The following SLC27A6 variants were observed in gnomAD, a reference collection of about 807,000 sequenced individuals.
SLC27A6 encodes the protein long-chain fatty acid transport protein 6.
In SLC27A6, 74 loss-of-function variants were observed where a neutral mutation model predicts 63.9. The ratio of observed to expected loss-of-function variants is 1.16; its 90% confidence interval spans 0.96 to 1.40. The LOEUF (loss-of-function observed/expected upper bound fraction) is 1.40. Ranked by LOEUF, SLC27A6 falls within the 40% of genes most tolerant of loss-of-function variation. The probability of loss-of-function intolerance (pLI) is 0.00; values close to 1 mark genes in which losing one functional copy is unlikely to be tolerated. For synonymous variants in SLC27A6, 287 were observed against 260.8 expected, an observed-to-expected ratio of 1.10 and a Z score of -0.97; for missense variants, 794 against 732.9, an observed-to-expected ratio of 1.08 and a Z score of -0.96.
intron 4 of SLC27A6, among the ~76,000 whole-genome samples, chr5:129,003,454 G>C (rs564312572): frequency 6.6e-6 from 1 of 152,286 alleles, no homozygotes; most frequent in African/African-American, 2.4e-5. Flanking sequence ...AGTTTTGATT[G>C]GTTGATGTAG....
chr5:129,014,715 TTA>T (rs557185858), intron 4 of SLC27A6, among the ~76,000 whole-genome samples: 314 of 152,310 alleles, frequency 2.1e-3, no homozygotes, highest in South Asian at 4.6e-3. Context: ...AGATATTCAG[TTA>T]TACAACTGCT....
rs370861929 is a variant in SLC27A6 at position 129,027,403 on chromosome 5, C to T, written c.1454+72C>T. ...ATGCTTCTATAGAAACATCAGAGAC[C>T]ACATATGCTTTAGCTTTCAGGGCAG... On this transcript the variant is annotated intron_variant, in intron 7 of 9. Coordinates refer to ENST00000262462, the MANE Select transcript of SLC27A6 (RefSeq NM_001017372.3). The T allele has an allele frequency of 4.8e-5, 56 of 1,156,538 alleles. 1 individual carries two copies. In the African/African-American group the frequency reaches 6.6e-4, roughly 14 times the overall value. The allele number at this position is 1,156,538 out of a possible 1,614,324, so 71.6% of individuals were successfully genotyped here.
intron 4 of SLC27A6, among the ~76,000 whole-genome samples, chr5:129,011,507 C>G (rs182005424): frequency 9.3e-4 from 142 of 152,280 alleles, no homozygotes; most frequent in East Asian, 4.1e-3. Flanking sequence ...ATAAGCAACA[C>G]CATAGCTGCT....
At chr5:129,014,654 C>G (rs1484738126) in intron 4 of SLC27A6, among the ~76,000 whole-genome samples, 1 of 152,176 alleles carries the variant, frequency 6.6e-6, no homozygotes, top group Non-Finnish European at 1.5e-5. Context: ...ACTTTCCAGT[C>G]TTTGGCCAAT....
intron 2 of SLC27A6, among the ~76,000 whole-genome samples, chr5:128,988,367 G>A (rs1160949417): frequency 1.3e-5 from 2 of 152,268 alleles, no homozygotes; most frequent in Admixed American, 6.5e-5. Context: ...ATTACATAGC[G>A]TTTGAGATAC....
chr5:129,026,612 G>T (rs1752253626), intron 6 of SLC27A6, among the ~76,000 whole-genome samples: 1 of 152,090 alleles, frequency 6.6e-6, no homozygotes, highest in African/African-American at 2.4e-5. Context: ...ATTTCTCTGA[G>T]CGTGGCAACT....
At chr5:129,009,744 G>A (rs1428857973) in intron 4 of SLC27A6, among the ~76,000 whole-genome samples, 10 of 151,776 alleles carry the variant, frequency 6.6e-5, no homozygotes, top group East Asian at 1.9e-4. Context: ...GCGCGATCTC[G>A]GCTCACTGCA....
At chr5:129,028,249 T>A in intron 7 of SLC27A6, 96 bp from the exon 8 acceptor site, 1 of 760,526 alleles carries the variant, frequency 1.3e-6, no homozygotes, top group Non-Finnish European at 2.3e-6. Flanking sequence ...CAGTAGGTGC[T>A]TGCACAGTGC....
Position 128,990,447 on chromosome 5 carries a change from C to A in SLC27A6, c.952C>A (p.Leu318Ile). The A allele has an allele frequency of 6.2e-7, 1 of 1,612,650 alleles. No homozygotes were observed. The highest frequency in any genetic ancestry group is 8.5e-7 in the Non-Finnish European group (1 of 1,179,584). Residue 318 changes from leucine to isoleucine, a missense_variant, in exon 4 of 10, where the codon CTT (leucine) becomes ATT (isoleucine). Coordinates refer to ENST00000262462, the MANE Select transcript of SLC27A6 (RefSeq NM_001017372.3). ...FQYIGELCRYLCKQSKREGEK... is the reference protein window; with the variant it reads ...FQYIGELCRYICKQSKREGEK... ...GTATATTGGAGAACTTTGTCGCTAC[C>A]TTTGCAAACAATCTAAGGTAGGCGT...
At chr5:129,028,602 A>G (rs1276375541) in intron 8 of SLC27A6, among the ~76,000 whole-genome samples, 160 bp downstream of exon 8, 1 of 151,658 alleles carries the variant, frequency 6.6e-6, no homozygotes. Context: ...CCAAGCTAAC[A>G]AAGTTCATGA....
At chr5:128,981,941 G>A (rs1002848188) in intron 1 of SLC27A6, among the ~76,000 whole-genome samples, 1 of 151,924 alleles carries the variant, frequency 6.6e-6, no homozygotes, top group Non-Finnish European at 1.5e-5. Context: ...AGTCTCCTGA[G>A]TAGCTGGGAT....
intron 2 of SLC27A6, among the ~76,000 whole-genome samples, chr5:128,987,789 C>T (rs958943903): frequency 6.6e-6 from 1 of 151,766 alleles, no homozygotes; most frequent in Non-Finnish European, 1.5e-5. Context: ...AAAGGATGAA[C>T]ACACAAATAA....
chr5:129,006,069 C>CTTTTT (rs1561624835), intron 4 of SLC27A6, among the ~76,000 whole-genome samples: 1 of 64,852 alleles, frequency 1.5e-5, no homozygotes, highest in African/African-American at 7.5e-5. Flanking sequence ...CCTGTGCACA[C>CTTTTT]TGTTTTTTTT....
At chr5:129,022,468 T>C (rs1212762299) in intron 5 of SLC27A6, among the ~76,000 whole-genome samples, 2 of 152,200 alleles carry the variant, frequency 1.3e-5, no homozygotes, top group Admixed American at 1.3e-4. Context: ...AATAATACTA[T>C]TGCATCTATC....
At chr5:129,006,175 T>C (rs1054682314) in intron 4 of SLC27A6, among the ~76,000 whole-genome samples, 1 of 145,388 alleles carries the variant, frequency 6.9e-6, no homozygotes, top group African/African-American at 2.6e-5. Flanking sequence ...ACCTCCTCCG[T>C]TCACGCCATT....
intron 1 of SLC27A6, among the ~76,000 whole-genome samples, chr5:128,981,081 T>C (rs1207705675): frequency 6.6e-6 from 1 of 152,200 alleles, no homozygotes; most frequent in Non-Finnish European, 1.5e-5. Context: ...CCTAATGAAG[T>C]ACATTGCATG....
chr5:128,988,577 C>T (rs1561616813), intron 2 of SLC27A6, 23 bp from the exon 3 acceptor site: 1 of 1,604,426 alleles, frequency 6.2e-7, no homozygotes, highest in Non-Finnish European at 8.5e-7. Flanking sequence ...ATATATATTT[C>T]CTGTTCTTTT....
intron 1 of SLC27A6, among the ~76,000 whole-genome samples, chr5:128,978,513 A>C (rs1750468936): frequency 6.6e-6 from 1 of 152,202 alleles, no homozygotes; most frequent in Admixed American, 6.5e-5. Flanking sequence ...CTGGTGGTTT[A>C]GCTGAAATCT....
intron 5 of SLC27A6, among the ~76,000 whole-genome samples, chr5:129,019,076 A>G (rs968634726): frequency 6.6e-6 from 1 of 152,146 alleles, no homozygotes; most frequent in Non-Finnish European, 1.5e-5. Flanking sequence ...GCCTCCAGAG[A>G]TAAAATGTTA....
Sources: gnomAD v4.1 joint callset for allele counts (sites outside exome capture counted in the v4.1 genomes callset) on GRCh38, gnomAD v4.1.1 for gene constraint, MANE v1.5 for transcripts, NCBI Gene and HGNC (gene_info 2026-07-23, HGNC 2026-07-21) for gene names.